Variants in OPCML observed in about 807,000 individuals in gnomAD.
OPCML encodes opioid-binding protein/cell adhesion molecule.
Under a neutral mutation model 37.8 loss-of-function variants are expected in OPCML, and 13 were observed. The ratio of observed to expected loss-of-function variants is 0.34; its 90% CI spans 0.22 to 0.55. The LOEUF (loss-of-function observed/expected upper bound fraction) is 0.55. OPCML is among the 20% of genes least tolerant of loss of function. OPCML has a pLI of 0.91. For synonymous variants in OPCML, 176 were observed against 168.8 expected (o/e 1.04, Z -0.33); for missense variants, 341 against 435.6 (o/e 0.78, Z 1.93).
intron 3 of OPCML, among the ~76,000 whole-genome samples, chr11:132,543,569 CATTA>C (rs2096362180): frequency 6.6e-6 from 1 of 151,732 alleles, no homozygotes; most frequent in African/African-American, 2.4e-5. Flanking sequence ...TAGAATAGAC[CATTA>C]ATTTAGTATT....
intron 4 of OPCML, among the ~76,000 whole-genome samples, chr11:132,508,343 C>CA (rs2096261821): frequency 6.6e-6 from 1 of 151,778 alleles, no homozygotes; most frequent in South Asian, 2.1e-4. Flanking sequence ...TCAACTAATG[C>CA]AAAAAAGGAT....
intron 3 of OPCML, among the ~76,000 whole-genome samples, chr11:132,584,434 T>C (rs1389203938): frequency 1.3e-5 from 2 of 152,238 alleles, no homozygotes; most frequent in African/African-American, 2.4e-5. Context: ...TATTCCTTCA[T>C]TTGCACTTAA....
At chr11:133,004,087 G>A in intron 1 of OPCML, 1 of 985,412 alleles carries the variant, frequency 1.0e-6, no homozygotes, top group Non-Finnish European at 1.2e-6. Context: ...GGGGCTGGCA[G>A]CTGTGTTCTA....
At chr11:132,819,782 T>A (rs1591652327) in intron 2 of OPCML, among the ~76,000 whole-genome samples, 1 of 152,178 alleles carries the variant, frequency 6.6e-6, no homozygotes, top group Non-Finnish European at 1.5e-5. Context: ...ACAAGAGACA[T>A]CATCAGTAAG....
At chr11:132,615,155 A>C (rs1367237904) in intron 3 of OPCML, among the ~76,000 whole-genome samples, 3 of 152,220 alleles carry the variant, frequency 2.0e-5, no homozygotes, top group African/African-American at 7.2e-5. Context: ...AGAGCAGAGG[A>C]GATAGCTCAA....
chr11:133,338,124 A>AGG (rs2136663847), intron 1 of OPCML, among the ~76,000 whole-genome samples: 1 of 152,308 alleles, frequency 6.6e-6, no homozygotes, highest in Non-Finnish European at 1.5e-5. Flanking sequence ...CAGAATCAAA[A>AGG]GATGACTGCC....
chr11:133,230,901 G>A (rs1940247717), intron 1 of OPCML, among the ~76,000 whole-genome samples: 1 of 152,168 alleles, frequency 6.6e-6, no homozygotes, highest in South Asian at 2.1e-4. Context: ...AAAGGGAGAA[G>A]AAAAGGGAAG....
chr11:133,469,480 A>G (rs989220425), intron 1 of OPCML, among the ~76,000 whole-genome samples: 3 of 152,220 alleles, frequency 2.0e-5, no homozygotes, highest in Admixed American at 6.5e-5. Context: ...TTGCTGTCAT[A>G]CAAAAGCTTC....
intron 1 of OPCML, among the ~76,000 whole-genome samples, chr11:133,388,523 G>T (rs1261912714): frequency 1.3e-5 from 2 of 152,186 alleles, no homozygotes; most frequent in Non-Finnish European, 2.9e-5. Context: ...TCTCTCAAGG[G>T]TATGGGTGTC....
chr11:133,279,390 C>A (rs553788815), intron 1 of OPCML, among the ~76,000 whole-genome samples: 1 of 152,272 alleles, frequency 6.6e-6, no homozygotes, highest in South Asian at 2.1e-4. Context: ...ATGAGCCTCC[C>A]AAGCAACCAT....
intron 3 of OPCML, among the ~76,000 whole-genome samples, chr11:132,557,295 C>CATA (rs2096397947): frequency 6.6e-6 from 1 of 152,146 alleles, no homozygotes; most frequent in African/African-American, 2.4e-5. Context: ...TCTCCTCAGT[C>CATA]GTAGAGGGAG....
intron 1 of OPCML, among the ~76,000 whole-genome samples, chr11:133,210,123 G>A (rs755044138): frequency 3.3e-5 from 5 of 152,214 alleles, no homozygotes; most frequent in African/African-American, 4.8e-5. Flanking sequence ...GAACTGGGAC[G>A]TGCCTCATTT....
At chr11:132,883,352 A>G (rs1314095393) in intron 2 of OPCML, among the ~76,000 whole-genome samples, 2 of 152,210 alleles carry the variant, frequency 1.3e-5, no homozygotes, top group Non-Finnish European at 2.9e-5. Context: ...CTTTATAGAA[A>G]ACACAGACAG....
At chr11:132,654,903 T>C (rs568285083) in intron 3 of OPCML, among the ~76,000 whole-genome samples, 1 of 131,954 alleles carries the variant, frequency 7.6e-6, no homozygotes, top group African/African-American at 2.9e-5. Flanking sequence ...AGCCAGAGAG[T>C]AGCTTGGCCT....
At chr11:133,021,320 T>C (rs1565401754) in intron 1 of OPCML, among the ~76,000 whole-genome samples, 1 of 152,174 alleles carries the variant, frequency 6.6e-6, no homozygotes, top group South Asian at 2.1e-4. Flanking sequence ...GGAAAGAAAC[T>C]TGTTTTCATG....
intron 1 of OPCML, among the ~76,000 whole-genome samples, chr11:133,179,498 G>C (rs538405708): frequency 5.3e-5 from 8 of 152,198 alleles, no homozygotes; most frequent in African/African-American, 1.9e-4. Flanking sequence ...ATAGGGAGCG[G>C]GGCCCCCTGA....
intron 2 of OPCML, among the ~76,000 whole-genome samples, chr11:132,658,642 T>G (rs1941818631): frequency 6.6e-6 from 1 of 152,196 alleles, no homozygotes. Flanking sequence ...CTTTAGCCGC[T>G]GAGAAGTTGG....
intron 1 of OPCML, among the ~76,000 whole-genome samples, chr11:133,457,148 G>C (rs1165581606): frequency 6.6e-6 from 1 of 152,168 alleles, no homozygotes; most frequent in East Asian, 1.9e-4. Context: ...ATCCAGGACA[G>C]ACTATAAGTG....
chr11:133,494,734 C>A (rs182490903), intron 1 of OPCML, among the ~76,000 whole-genome samples: 6 of 48,580 alleles, frequency 1.2e-4, no homozygotes, highest in Non-Finnish European at 1.4e-4. Context: ...GGCGGGGGGA[C>A]GGGGGAGGGA....
Sources: allele counts gnomAD v4.1 joint callset (sites outside exome capture counted in the v4.1 genomes callset), GRCh38; gene constraint gnomAD v4.1.1; transcripts MANE v1.5; gene names NCBI Gene and HGNC (gene_info 2026-07-23, HGNC 2026-07-21).